The following ICA1 variants were observed in gnomAD, a reference collection of about 807,000 sequenced individuals.
ICA1 encodes the protein 69 kDa islet cell autoantigen.
Under a neutral mutation model 71.0 loss-of-function variants are expected in ICA1, and 40 were observed. That is an observed-to-expected ratio of 0.56 (90% confidence interval 0.44 to 0.73). The LOEUF (loss-of-function observed/expected upper bound fraction) is 0.73, where lower values mean the gene tolerates loss of function less well. Among genes scored for constraint, ICA1 ranks in the 30% least tolerant of loss-of-function variants. The probability of loss-of-function intolerance (pLI) is 0.00; values close to 1 mark genes in which losing one functional copy is unlikely to be tolerated. For synonymous variants in ICA1, 207 were observed against 209.5 expected (o/e 0.99, Z 0.10); for missense variants, 578 against 576.5 (o/e 1.00, Z -0.03).
chr7:8,233,045 G>C lies in ICA1; in HGVS notation c.18-290C>G, dbSNP rs140787771. ...TAACAGACTAAGCACACCCCTTTTA[G>C]AGGTGGAGACAGTGAGATCAAGCCA... is the stretch of plus-strand genomic sequence containing the variant. On this transcript the variant is annotated intron_variant, in intron 2 of 13. Transcript: ENST00000402384. 4.3e-3 allele frequency among the ~76,000 whole-genome samples: 660 copies of C among 152,232 alleles called. 5 individuals carry two copies. Among genetic ancestry groups the C allele is most frequent in the African/African-American group, 0.015 (618 of 41,528 alleles).
intron 1 of ICA1, among the ~76,000 whole-genome samples, chr7:8,258,748 C>G (rs577825334): frequency 1.3e-5 from 2 of 152,232 alleles, no homozygotes; most frequent in South Asian, 4.1e-4. Context: ...GGTCAAAAAA[C>G]AAAAACTATG....
In ICA1 at chr7:8,233,685, C is replaced by T. The variant is rs368983851; in HGVS notation, c.18-930G>A. On this transcript the variant is annotated intron_variant, in intron 2 of 13. Transcript: ENST00000402384. ...TGCTGGGATTACAGATATGAGCCAC[C>T]GCGCCCAGCCCCATGGTGCCTATTG... Among the ~76,000 whole-genome samples, 5 of 152,206 alleles carry T rather than the reference C, an allele frequency of 3.3e-5. No individual in the cohort carries two copies. The South Asian group carries it at 8.3e-4, about 25-fold the overall frequency.
At chr7:8,224,184 A>G (rs1797924509) in intron 4 of ICA1, among the ~76,000 whole-genome samples, 1 of 152,194 alleles carries the variant, frequency 6.6e-6, no homozygotes. Flanking sequence ...TAGGTGCCTT[A>G]GACAAGGTAA....
At chr7:8,117,491 T>TC (rs1170220242) in intron 13 of ICA1, among the ~76,000 whole-genome samples, 9 of 152,364 alleles carry the variant, frequency 5.9e-5, no homozygotes, top group African/African-American at 2.2e-4. Flanking sequence ...ACCTCTGCTT[T>TC]CATTGTATAT....
chr7:8,207,963 G>C (rs932752042), intron 6 of ICA1, among the ~76,000 whole-genome samples: 1 of 152,138 alleles, frequency 6.6e-6, no homozygotes, highest in Non-Finnish European at 1.5e-5. Context: ...GACAACCTAT[G>C]ACTCCATTAT....
chr7:8,134,911 T>C (rs1452466553), intron 12 of ICA1, among the ~76,000 whole-genome samples: 2 of 152,140 alleles, frequency 1.3e-5, no homozygotes, highest in East Asian at 1.9e-4. Flanking sequence ...AAAATTCTTG[T>C]TCATGATCCC....
rs528832719 is a variant in ICA1 at position 8,215,728 on chromosome 7, C to A, written c.579+2577G>T. On this transcript the variant is annotated intron_variant, in intron 6 of 13. Coordinates refer to ENST00000402384, the MANE Select transcript of ICA1 (RefSeq NM_001136020.3). ...TTTTGTCTCCACCAGAAAGTGTGAA[C>A]TCAAAAAAGAGAATTTATAGCAAAA... Among the ~76,000 whole-genome samples the A allele has an allele frequency of 3.3e-5, 5 of 152,240 alleles. No homozygotes were observed. In the South Asian group the frequency reaches 1.0e-3, roughly 32 times the overall value.
At chr7:8,256,801 A>G (rs1176172628) in intron 1 of ICA1, among the ~76,000 whole-genome samples, 3 of 152,244 alleles carry the variant, frequency 2.0e-5, no homozygotes, top group Non-Finnish European at 4.4e-5. Context: ...CCTGGAGCAC[A>G]GTAGCCATTC....
chr7:8,115,714 G>GA (rs1218881423), intron 13 of ICA1, among the ~76,000 whole-genome samples: 1 of 152,220 alleles, frequency 6.6e-6, no homozygotes, highest in African/African-American at 2.4e-5. Flanking sequence ...GCCAACAAGA[G>GA]AAAGTCAGTG....
rs1554368903 is a variant in ICA1 at position 8,234,504 on chromosome 7, TATATG to T, written c.17+1401_17+1405del. Among the ~76,000 whole-genome samples the T allele has an allele frequency of 7.7e-6, 1 of 130,422 alleles. No homozygotes were observed. Among genetic ancestry groups the T allele is most frequent in the South Asian group, 2.3e-4 (1 of 4,378 alleles). 85.6% of individuals were successfully genotyped at this position (130,422 alleles called of 152,430 possible). ...GCTTGTGCTGAAACGTGAGTTTGTT[TATATG>T]ACTATATCAAAATACCAGTATCTCA... On this transcript the variant is annotated intron_variant, in intron 2 of 13. Coordinates refer to ENST00000402384, the MANE Select transcript of ICA1 (RefSeq NM_001136020.3). This position sits in a 1 kb window ranked among gnomAD's most constrained non-coding sequence, Gnocchi z 4.5.
chr7:8,158,026 AT>A (rs1259225806), intron 7 of ICA1, among the ~76,000 whole-genome samples: 2 of 152,138 alleles, frequency 1.3e-5, no homozygotes, highest in African/African-American at 4.8e-5. Flanking sequence ...AACATCCAGC[AT>A]TCTGCATCCT....
chr7:8,174,771 A>AAAAAAAAAAACAAAAAACC (rs1554310916), intron 6 of ICA1, among the ~76,000 whole-genome samples: 4 of 106,052 alleles, frequency 3.8e-5, no homozygotes, highest in Non-Finnish European at 6.0e-5. Context: ...AAAAAAAAAA[A>AAAAAAAAAAACAAAAAACC]AAAAAAAACA....
intron 4 of ICA1, among the ~76,000 whole-genome samples, chr7:8,221,840 T>C (rs1337980450): frequency 1.3e-5 from 2 of 152,174 alleles, no homozygotes; most frequent in African/African-American, 2.4e-5. Flanking sequence ...TTCTATTCCA[T>C]TGTAAAGCAA....
intron 6 of ICA1, among the ~76,000 whole-genome samples, chr7:8,208,712 C>T (rs530407371): frequency 1.3e-5 from 2 of 152,206 alleles, no homozygotes; most frequent in East Asian, 3.9e-4. Context: ...GGTAATTTTC[C>T]ATTGACCCGT....
chr7:8,147,865 C>T (rs1037191269), intron 8 of ICA1, among the ~76,000 whole-genome samples: 2 of 152,114 alleles, frequency 1.3e-5, no homozygotes, highest in South Asian at 4.1e-4. Flanking sequence ...GATTTCCTGG[C>T]TCGGGGCCAC....
At chr7:8,182,140 T>C (rs1782385556) in intron 6 of ICA1, among the ~76,000 whole-genome samples, 1 of 152,186 alleles carries the variant, frequency 6.6e-6, no homozygotes, top group Admixed American at 6.5e-5. Context: ...TTTCCCTTTT[T>C]TCACTTGGCT....
chr7:8,217,107 T>A (rs1016693138), intron 6 of ICA1, among the ~76,000 whole-genome samples: 2 of 152,230 alleles, frequency 1.3e-5, no homozygotes, highest in Non-Finnish European at 1.5e-5. Context: ...TTCTCTTCTA[T>A]AAGATGAGCG....
At chr7:8,164,407 C>G (rs1805118436) in intron 6 of ICA1, among the ~76,000 whole-genome samples, 2 of 151,126 alleles carry the variant, frequency 1.3e-5, no homozygotes, top group African/African-American at 2.4e-5. Flanking sequence ...AAATACTGCT[C>G]TGATCCAAAA....
At position 8,123,644 on chromosome 7, in the gene ICA1, C is replaced by G. The variant is rs1176361957; in HGVS notation, c.1330+4229G>C. 6.6e-6 allele frequency among the ~76,000 whole-genome samples: 1 copy of G among 152,192 alleles called. No individual in the cohort carries two copies. Among genetic ancestry groups the G allele is most frequent in the African/African-American group, 2.4e-5 (1 of 41,438 alleles). On this transcript the variant is annotated intron_variant, in intron 13 of 13. Transcript: ENST00000402384. The surrounding 1 kb of genome is among the most constrained non-coding windows in gnomAD (Gnocchi z 4.1). Reference sequence around the variant, plus strand: ...ATTCAATTGTGTGTGGACTTAGCCTCTGTCTCCCACACCCATTCCTCCTTT... The same window carrying G: ...ATTCAATTGTGTGTGGACTTAGCCTGTGTCTCCCACACCCATTCCTCCTTT...
Sources: allele counts gnomAD v4.1 joint callset (sites outside exome capture counted in the v4.1 genomes callset), GRCh38; gene constraint gnomAD v4.1.1; non-coding constraint Gnocchi (gnomAD v3.1); transcripts MANE v1.5; gene names NCBI Gene and HGNC (gene_info 2026-07-23, HGNC 2026-07-21).